The following SELENOF variants were observed in gnomAD, a reference collection of about 807,000 sequenced individuals.
SELENOF encodes the protein 15 kDa selenoprotein.
Under a neutral mutation model 20.5 loss-of-function variants are expected in SELENOF, and 16 were observed. The observed-to-expected ratio is 0.78, with a 90% confidence interval of 0.53 to 1.19. SELENOF has a LOEUF of 1.19. Among genes scored for constraint, SELENOF ranks in the 50% most tolerant of loss-of-function variants. The pLI, the probability that SELENOF is intolerant of heterozygous loss-of-function variation, is 0.00. For missense variants in SELENOF, 215 were observed against 194.2 expected (o/e 1.11, Z -0.64); for synonymous variants, 78 against 74.5 (o/e 1.05, Z -0.24).
intron 1 of SELENOF, among the ~76,000 whole-genome samples, chr1:86,904,330 AG>A (rs1268024581): frequency 1.3e-5 from 2 of 152,230 alleles, no homozygotes; most frequent in East Asian, 3.9e-4. Flanking sequence ...TCATAAATTA[AG>A]GGGCAATACT....
Position 86,899,418 on chromosome 1 carries a change from AC to A in SELENOF, c.252+3862del, listed in dbSNP as rs1379888839. 5.1e-4 allele frequency among the ~76,000 whole-genome samples: 52 copies of A among 101,486 alleles called. 1 individual carries two copies. The highest frequency in any genetic ancestry group is 3.0e-4 in the South Asian group (1 of 3,366). The allele number at this position is 101,486 out of a possible 152,430, so 66.6% of individuals were successfully genotyped here. A position where few individuals can be genotyped will look rare whatever the true frequency, so the allele number is the denominator to read the frequency against. On this transcript the variant is annotated intron_variant, in intron 2 of 4. Coordinates refer to ENST00000331835, the MANE Select transcript of SELENOF (RefSeq NM_004261.5). ...GGACGGCTGGCCGGGCAGGGGGCCG[AC>A]CCCCCCCACCTCCCTCCCGGACGGG...
chr1:86,902,277 G>GT (rs1407560229), intron 2 of SELENOF, among the ~76,000 whole-genome samples: 1 of 152,156 alleles, frequency 6.6e-6, no homozygotes, highest in Non-Finnish European at 1.5e-5. Context: ...TGAAAAACAT[G>GT]TAAGGCTTTG....
intron 2 of SELENOF, among the ~76,000 whole-genome samples, chr1:86,899,487 C>T (rs1402690888): frequency 3.8e-5 from 5 of 131,012 alleles, no homozygotes; most frequent in East Asian, 4.2e-4. Flanking sequence ...CCAGTAGGGG[C>T]GGCCGGGCAG....
chr1:86,897,301 G>A (rs978456881), intron 2 of SELENOF, among the ~76,000 whole-genome samples: 5 of 152,106 alleles, frequency 3.3e-5, no homozygotes, highest in Admixed American at 1.3e-4. Context: ...GCAGGGAGGG[G>A]TGGAAAAAAA....
chr1:86,876,027 G>C (rs915506278), intron 3 of SELENOF, among the ~76,000 whole-genome samples: 2 of 151,814 alleles, frequency 1.3e-5, no homozygotes, highest in Admixed American at 6.6e-5. Flanking sequence ...AAGCAAGAGA[G>C]AGACACAATC....
chr1:86,884,900 T>C (rs1659174130), intron 2 of SELENOF, among the ~76,000 whole-genome samples: 1 of 152,204 alleles, frequency 6.6e-6, no homozygotes, highest in Non-Finnish European at 1.5e-5. Context: ...ACAAACTGCA[T>C]CTTTTCCCTT....
At chr1:86,890,461 C>T (rs2102103553) in intron 2 of SELENOF, among the ~76,000 whole-genome samples, 1 of 152,202 alleles carries the variant, frequency 6.6e-6, no homozygotes, top group South Asian at 2.1e-4. Context: ...AACATTTCCT[C>T]TACCTTCTAC....
chr1:86,899,516 G>A (rs1355146456), intron 2 of SELENOF, among the ~76,000 whole-genome samples: 18 of 142,576 alleles, frequency 1.3e-4, no homozygotes, highest in Non-Finnish European at 2.1e-4. Flanking sequence ...CTCACCTCCC[G>A]GACGGGGCGG....
At chr1:86,884,381 A>ACG (rs1659161273) in intron 2 of SELENOF, among the ~76,000 whole-genome samples, 2 of 150,910 alleles carry the variant, frequency 1.3e-5, no homozygotes, top group South Asian at 4.2e-4. Context: ...ACACACATAT[A>ACG]CACACACATA....
At position 86,863,355 on chromosome 1, in the gene SELENOF, T is replaced by C; in HGVS notation, c.*119A>G. 1 of 821,438 alleles carries C rather than the reference T, an allele frequency of 1.2e-6. No homozygotes were observed. Among genetic ancestry groups the C allele is most frequent in the South Asian group, 2.0e-5 (1 of 48,888 alleles). The allele number at this position is 821,438 out of a possible 1,614,324, so 50.9% of individuals were successfully genotyped here. ...TGCCATTTCACGATTTAATTAGATA[T>C]TTAATGCCTCAAGTAAAAGACTGAT... On this transcript the variant is annotated 3_prime_UTR_variant, in exon 5 of 5. Transcript: ENST00000331835.
intron 2 of SELENOF, among the ~76,000 whole-genome samples, chr1:86,885,127 T>C (rs1477895408): frequency 6.6e-6 from 1 of 152,208 alleles, no homozygotes; most frequent in Non-Finnish European, 1.5e-5. Flanking sequence ...GGTTAGTTGA[T>C]GTTTTCCCAG....
At position 86,882,596 on chromosome 1, in the gene SELENOF, C is replaced by G. The variant is rs148391462; in HGVS notation, c.253-1871G>C. Among the ~76,000 whole-genome samples the G allele has an allele frequency of 4.9e-3, 741 of 151,752 alleles. 8 individuals carry two copies. The highest frequency in any genetic ancestry group is 0.017 in the African/African-American group (699 of 41,412). On this transcript the variant is annotated intron_variant, in intron 2 of 4. Transcript: ENST00000331835. The stretch of plus-strand genomic sequence containing the variant: ...CCAGTGGCTACAGAAAATGGAATTG[C>G]AGTTTTGCAAAAAATTAAAAATAGA...
At chr1:86,913,567 T>G (rs1660046322) in intron 1 of SELENOF, among the ~76,000 whole-genome samples, 2 of 152,170 alleles carry the variant, frequency 1.3e-5, no homozygotes, top group South Asian at 4.1e-4. Context: ...GTTAAGAGAC[T>G]AACAGAAGTA....
At chr1:86,866,014 G>A (rs1272048324) in intron 4 of SELENOF, among the ~76,000 whole-genome samples, 1 of 151,720 alleles carries the variant, frequency 6.6e-6, no homozygotes, top group Non-Finnish European at 1.5e-5. Context: ...AGGCAACATA[G>A]CAAGACCCTA....
At chr1:86,866,968 G>A (rs920460548) in intron 4 of SELENOF, among the ~76,000 whole-genome samples, 14 of 152,124 alleles carry the variant, frequency 9.2e-5, no homozygotes, top group African/African-American at 2.7e-4. Flanking sequence ...ACCTCAATGA[G>A]TTGAAAACTT....
At chr1:86,894,269 A>G (rs1182537056) in intron 2 of SELENOF, among the ~76,000 whole-genome samples, 1 of 151,770 alleles carries the variant, frequency 6.6e-6, no homozygotes, top group Non-Finnish European at 1.5e-5. Context: ...TTACACATAT[A>G]AATAAGAGAA....
intron 2 of SELENOF, among the ~76,000 whole-genome samples, chr1:86,901,591 A>G (rs1249179504): frequency 2.0e-5 from 3 of 152,242 alleles, no homozygotes; most frequent in African/African-American, 7.2e-5. Context: ...TAATCACTCC[A>G]GCTTGTAATT....
At chr1:86,892,312 A>G (rs1237355114) in intron 2 of SELENOF, among the ~76,000 whole-genome samples, 1 of 152,222 alleles carries the variant, frequency 6.6e-6, no homozygotes, top group Non-Finnish European at 1.5e-5. Context: ...GTTGCCAAAC[A>G]TTATTCATAT....
chr1:86,890,301 C>T (rs1014078909), intron 2 of SELENOF, among the ~76,000 whole-genome samples: 1 of 152,150 alleles, frequency 6.6e-6, no homozygotes, highest in African/African-American at 2.4e-5. Flanking sequence ...ATTTACCTGA[C>T]CTGCCAAGTG....
Sources: allele counts gnomAD v4.1 joint callset (sites outside exome capture counted in the v4.1 genomes callset), GRCh38; gene constraint gnomAD v4.1.1; transcripts MANE v1.5; gene names NCBI Gene and HGNC (gene_info 2026-07-23, HGNC 2026-07-21).